Variants in EYA1 observed in about 807,000 individuals in gnomAD.
The protein encoded by EYA1 is EYA transcriptional coactivator and phosphatase 1, also known as protein phosphatase EYA1.
Under a neutral mutation model 82.0 loss-of-function variants are expected in EYA1, and 16 were observed. The observed-to-expected ratio is 0.20, with a 90% CI of 0.13 to 0.30. The LOEUF is 0.30. Among genes scored for constraint, EYA1 ranks in the 10% least tolerant of loss-of-function variants. The pLI is 1.00. For synonymous variants in EYA1, 261 were observed against 264.4 expected, an observed-to-expected ratio of 0.99 and a Z score of 0.12; for missense variants, 633 against 730.7, an observed-to-expected ratio of 0.87 and a Z score of 1.54.
At position 71,197,634 on chromosome 8, in the gene EYA1, A is replaced by G. The variant is rs994717399; in HGVS notation, c.*1706T>C. The G allele has an allele frequency of 6.5e-6, 1 of 152,672 alleles. No individual in the cohort carries two copies. Among genetic ancestry groups the G allele is most frequent in the Non-Finnish European group, 1.5e-5 (1 of 68,034 alleles). The allele number at this position is 152,672 out of a possible 1,614,324, so 9.5% of individuals were successfully genotyped here. The stretch of plus-strand genomic sequence containing the variant: ...TGCTTCAAGCAAAAAGGAAGAAAAA[A>G]CTAATTCAATTGTGAATTTAAACAA... On this transcript the variant is annotated 3_prime_UTR_variant, in exon 18 of 18. Transcript: ENST00000340726.
chr8:71,271,865 T>G lies in EYA1; in HGVS notation c.859A>C (p.Ile287Leu). The G allele has an allele frequency of 6.2e-7, 1 of 1,614,212 alleles. No individual in the cohort carries two copies. The highest frequency in any genetic ancestry group is 2.2e-5 in the East Asian group (1 of 44,884). Residue 287 changes from isoleucine (I) to leucine (L), a missense_variant, in exon 10 of 18, where the codon ATT becomes CTT. Transcript: ENST00000340726. The part of the protein sequence containing the change: ...YSTIHSPSTP[I>L]KDSDSDRLRR... ...AATCGATCAGAATCTGAATCTTTAATGGGTGTTGATGGGCTGTGGATTGTG... is the reference window on the plus strand; with the variant it reads ...AATCGATCAGAATCTGAATCTTTAAGGGGTGTTGATGGGCTGTGGATTGTG...
rs966072508 is a variant in EYA1, at chr8:71,257,722, T to C, written c.1050+12018A>G. ...GGAACCCAGAGGAACTCCTACATTT[T>C]TGAAGCCACAAGATCATCTCATACA... On this transcript the variant is annotated intron_variant, in intron 11 of 17. Transcript: ENST00000340726. Among the ~76,000 whole-genome samples the C allele has an allele frequency of 9.8e-5, 15 of 152,338 alleles. No individual in the cohort carries two copies. In the East Asian group the frequency reaches 2.7e-3, roughly 27 times the overall value.
At chr8:71,470,319 T>C (rs1056635623) in intron 2 of EYA1, among the ~76,000 whole-genome samples, 2 of 152,090 alleles carry the variant, frequency 1.3e-5, no homozygotes, top group African/African-American at 4.8e-5. Context: ...TTAGGGCAAG[T>C]CTGTATTTAT....
At chr8:71,312,822 A>ACCT (rs1821496864) in intron 7 of EYA1, among the ~76,000 whole-genome samples, 2 of 152,238 alleles carry the variant, frequency 1.3e-5, no homozygotes, top group Non-Finnish European at 2.9e-5. Flanking sequence ...GGCATATAAA[A>ACCT]AGTAAACAAT....
intron 2 of EYA1, among the ~76,000 whole-genome samples, chr8:71,418,894 G>A (rs1830998429): frequency 1.3e-5 from 2 of 152,152 alleles, no homozygotes. Flanking sequence ...GGGACCTAAA[G>A]GAAGTAAGAA....
At chr8:71,410,620 C>A (rs1830536396) in intron 2 of EYA1, among the ~76,000 whole-genome samples, 1 of 105,964 alleles carries the variant, frequency 9.4e-6, no homozygotes. Flanking sequence ...GAGTGAACTC[C>A]CATTCACAAT....
At chr8:71,254,856 AC>A (rs1814213164) in intron 11 of EYA1, among the ~76,000 whole-genome samples, 1 of 118,982 alleles carries the variant, frequency 8.4e-6, no homozygotes, top group African/African-American at 3.2e-5. Flanking sequence ...CCCCCACCAC[AC>A]ACACAGAGTC....
chr8:71,531,667 T>C (rs539773159), intron 2 of EYA1, among the ~76,000 whole-genome samples: 3 of 152,304 alleles, frequency 2.0e-5, no homozygotes, highest in East Asian at 3.9e-4. Flanking sequence ...AGTGTTTACC[T>C]TGGATCAGGA....
chr8:71,250,552 TTTTC>T (rs1813632987), intron 11 of EYA1, among the ~76,000 whole-genome samples: 1 of 152,310 alleles, frequency 6.6e-6, no homozygotes, highest in African/African-American at 2.4e-5. Context: ...CAGAGTATGG[TTTTC>T]TTTCTTTTTA....
chr8:71,266,522 A>G (rs551320470), intron 11 of EYA1, among the ~76,000 whole-genome samples: 93 of 152,118 alleles, frequency 6.1e-4, no homozygotes, highest in Non-Finnish European at 9.9e-4. Flanking sequence ...ATCCTAAACC[A>G]TGCATCTTCA....
chr8:71,461,774 C>G (rs1808378730), intron 2 of EYA1, among the ~76,000 whole-genome samples: 1 of 152,090 alleles, frequency 6.6e-6, no homozygotes, highest in Non-Finnish European at 1.5e-5. Context: ...GGGGGTAGCT[C>G]TATTACACAG....
chr8:71,274,863 T>TGGGAGAGA (rs1816938228), intron 9 of EYA1, among the ~76,000 whole-genome samples: 2 of 148,964 alleles, frequency 1.3e-5, no homozygotes, highest in African/African-American at 5.0e-5. Context: ...GAAGGTAAAG[T>TGGGAGAGA]GGGAGAGAGA....
At chr8:71,354,611 C>G (rs562818828) in intron 3 of EYA1, among the ~76,000 whole-genome samples, 171 bp downstream of exon 3, 1 of 152,254 alleles carries the variant, frequency 6.6e-6, no homozygotes, top group Non-Finnish European at 1.5e-5. Context: ...TAACTGGAAA[C>G]ATGAAGCTCC....
At chr8:71,329,216 G>A (rs1363666493) in intron 4 of EYA1, among the ~76,000 whole-genome samples, 1 of 152,124 alleles carries the variant, frequency 6.6e-6, no homozygotes, top group Non-Finnish European at 1.5e-5. Flanking sequence ...ATCAAGAGAT[G>A]AAGAACCCCT....
intron 12 of EYA1, among the ~76,000 whole-genome samples, chr8:71,230,233 T>C (rs934713754): frequency 6.6e-6 from 1 of 152,094 alleles, no homozygotes; most frequent in African/African-American, 2.4e-5. Context: ...GCAAACTTCC[T>C]ATGAAGGTAA....
chr8:71,291,405 G>T (rs1818981523), intron 9 of EYA1, among the ~76,000 whole-genome samples: 1 of 152,144 alleles, frequency 6.6e-6, no homozygotes, highest in Non-Finnish European at 1.5e-5. Context: ...TCTGTCACTT[G>T]AAATTCAATA....
chr8:71,484,793 C>T (rs891428542), intron 2 of EYA1, among the ~76,000 whole-genome samples: 2 of 152,212 alleles, frequency 1.3e-5, no homozygotes, highest in African/African-American at 4.8e-5. Context: ...ACCATGCTGC[C>T]GCTCCCCATC....
intron 17 of EYA1, among the ~76,000 whole-genome samples, chr8:71,206,527 A>G (rs921881240): frequency 2.0e-5 from 3 of 151,716 alleles, no homozygotes; most frequent in Non-Finnish European, 4.4e-5. Context: ...CGACTGCAGA[A>G]ACTTTTCACT....
chr8:71,312,307 G>C (rs1821426000), intron 7 of EYA1, among the ~76,000 whole-genome samples: 1 of 152,162 alleles, frequency 6.6e-6, no homozygotes, highest in African/African-American at 2.4e-5. Flanking sequence ...TGTAATTTAG[G>C]TGTATGTACA....
Sources: allele counts gnomAD v4.1 joint callset (sites outside exome capture counted in the v4.1 genomes callset), GRCh38; gene constraint gnomAD v4.1.1; transcripts MANE v1.5; gene names NCBI Gene and HGNC (gene_info 2026-07-23, HGNC 2026-07-21).